GPD1L: variants seen among roughly 807,000 people sequenced by gnomAD.
GPD1L encodes glycerol-3-phosphate dehydrogenase 1 like.
A neutral mutation model predicts 32.9 loss-of-function variants in GPD1L; 17 were observed. The ratio of observed to expected loss-of-function variants is 0.52; its 90% CI spans 0.35 to 0.78. The LOEUF is 0.78. Among genes scored for constraint, GPD1L ranks in the 30% least tolerant of loss-of-function variants. The pLI is 0.01. For missense variants in GPD1L, 361 were observed against 447.8 expected (o/e 0.81, Z 1.75); for synonymous variants, 187 against 165.9 (o/e 1.13, Z -0.98).
At position 32,117,309 on chromosome 3, in the gene GPD1L, A is replaced by T. The variant is rs149829634; in HGVS notation, c.47+10551A>T. Among the ~76,000 whole-genome samples, 866 of 152,334 alleles carry T rather than the reference A, an allele frequency of 5.7e-3. 9 individuals carry two copies. Among genetic ancestry groups the T allele is most frequent in the African/African-American group, 0.02 (826 of 41,568 alleles). On this transcript the variant is annotated intron_variant, in intron 1 of 7. Coordinates refer to ENST00000282541, the MANE Select transcript of GPD1L (RefSeq NM_015141.4). ...GGTGGAAGCCAGAACAATACATGAG[A>T]AATAATTTAGTCATGATTTCTTATT...
At chr3:32,141,306 A>C (rs935348221) in intron 4 of GPD1L, among the ~76,000 whole-genome samples, 4 of 152,170 alleles carry the variant, frequency 2.6e-5, no homozygotes, top group African/African-American at 9.6e-5. Flanking sequence ...TTATGGAGGT[A>C]TTTTACATGA....
chr3:32,145,380 A>T (rs1700804940), intron 4 of GPD1L, among the ~76,000 whole-genome samples: 1 of 152,096 alleles, frequency 6.6e-6, no homozygotes, highest in South Asian at 2.1e-4. Flanking sequence ...TTTAAAAGGT[A>T]CCTTTGAGAA....
chr3:32,164,935 G>A (rs1163559520), intron 7 of GPD1L, among the ~76,000 whole-genome samples: 1 of 152,164 alleles, frequency 6.6e-6, no homozygotes, highest in Non-Finnish European at 1.5e-5. Context: ...GGCCGGCGCG[G>A]TGGCTCACGC....
In GPD1L at chr3:32,146,752, G is replaced by T; in HGVS notation, c.618+18G>T. 7.1e-7 allele frequency: 1 copy of T among 1,416,952 alleles called. No homozygotes were observed. The allele number at this position is 1,416,952 out of a possible 1,614,324, so 87.8% of individuals were successfully genotyped here. On this transcript the variant is annotated intron_variant, in intron 5 of 7. Coordinates refer to ENST00000282541, the MANE Select transcript of GPD1L (RefSeq NM_015141.4). ...CGCTTAAGGTAAAGTCAGCCTCAGG[G>T]GAGGAGTTCATCAAGCAAGGCAAAT...
chr3:32,144,823 A>G (rs1348559407), intron 4 of GPD1L, among the ~76,000 whole-genome samples: 1 of 73,572 alleles, frequency 1.4e-5, no homozygotes, highest in African/African-American at 5.8e-5. Context: ...GTAGCTGGGA[A>G]CACACACACA....
rs545049039 is a variant in GPD1L at position 32,151,619 on chromosome 3, A to G, written c.618+4885A>G. On this transcript the variant is annotated intron_variant, in intron 5 of 7. Coordinates refer to ENST00000282541, the MANE Select transcript of GPD1L (RefSeq NM_015141.4). ...CTCAGCCTTCTGAGTAACTGGGACT[A>G]TAGGTGCTTGCCACCATGCCTGCTA... is the stretch of plus-strand genomic sequence containing the variant. Among the ~76,000 whole-genome samples the G allele has an allele frequency of 2.0e-5, 3 of 152,278 alleles. No individual in the cohort carries two copies. In the East Asian group the frequency reaches 5.8e-4, roughly 29 times the overall value.
chr3:32,116,456 C>T (rs539022115), intron 1 of GPD1L, among the ~76,000 whole-genome samples: 124 of 152,112 alleles, frequency 8.2e-4, no homozygotes, highest in Non-Finnish European at 1.6e-3. Flanking sequence ...CAACCAGGAC[C>T]AGCAATGATG....
chr3:32,145,528 T>C (rs993715388), intron 4 of GPD1L, among the ~76,000 whole-genome samples: 3 of 152,144 alleles, frequency 2.0e-5, no homozygotes, highest in African/African-American at 7.2e-5. Flanking sequence ...CCTCAGTTTG[T>C]TCACCAGCAA....
At position 32,136,231 on chromosome 3, in the gene GPD1L, C is replaced by T. The variant is rs149996799; in HGVS notation, c.226-2356C>T. The stretch of plus-strand genomic sequence containing the variant: ...TAGGTTCTCCCCTCACATTTGTAAA[C>T]ATGGTTGCAGTAGTTCCAGACTTCA... On this transcript the variant is annotated intron_variant, in intron 2 of 7. Transcript: ENST00000282541. Among the ~76,000 whole-genome samples the T allele has an allele frequency of 7.3e-3, 1,106 of 152,310 alleles. 7 individuals are homozygous for T. The highest frequency in any genetic ancestry group is 0.01 in the Non-Finnish European group (689 of 68,022).
chr3:32,148,890 G>T (rs540027842), intron 5 of GPD1L, among the ~76,000 whole-genome samples: 3 of 152,320 alleles, frequency 2.0e-5, no homozygotes, highest in South Asian at 4.1e-4. Context: ...CAACAGAAAG[G>T]TGTAAAGAAG....
chr3:32,125,857 T>C (rs1700499222), intron 1 of GPD1L, among the ~76,000 whole-genome samples: 1 of 152,166 alleles, frequency 6.6e-6, no homozygotes, highest in Non-Finnish European at 1.5e-5. Flanking sequence ...ATGACTGAAA[T>C]TATTGATGAA....
Position 32,168,067 on chromosome 3 carries a change from C to T in GPD1L, c.*2157C>T, listed in dbSNP as rs886058338. The T allele has an allele frequency of 3.9e-5, 6 of 152,086 alleles. No individual in the cohort carries two copies. The highest frequency in any genetic ancestry group is 8.8e-5 in the Non-Finnish European group (6 of 68,028). 9.4% of individuals were successfully genotyped at this position (152,086 alleles called of 1,614,324 possible). A position where few individuals can be genotyped will look rare whatever the true frequency, so the allele number is the denominator to read the frequency against. ...AGGAGTTGGAACTTTGCGTGTTTTG[C>T]GTATTTTCATCTGCATTCAGCTTCT... On this transcript the variant is annotated 3_prime_UTR_variant, in exon 8 of 8. Coordinates refer to ENST00000282541, the MANE Select transcript of GPD1L (RefSeq NM_015141.4).
intron 5 of GPD1L, chr3:32,151,280 T>C: frequency 1.7e-6 from 1 of 591,924 alleles, no homozygotes; most frequent in Non-Finnish European, 3.1e-6. Flanking sequence ...CTTAATATGC[T>C]CCATACACCC....
chr3:32,115,757 A>ATTTTTTTTT (rs1559568569), intron 1 of GPD1L, among the ~76,000 whole-genome samples: 1 of 75,854 alleles, frequency 1.3e-5, no homozygotes, highest in Non-Finnish European at 3.4e-5. Flanking sequence ...TGTACGTTGA[A>ATTTTTTTTT]CTTTTTTTTT....
intron 1 of GPD1L, among the ~76,000 whole-genome samples, chr3:32,114,301 A>G (rs1039579853): frequency 4.6e-5 from 7 of 152,230 alleles, no homozygotes; most frequent in Non-Finnish European, 8.8e-5. Context: ...GGGTTCTAAC[A>G]AGAGTAAGAG....
chr3:32,152,233 G>A (rs1344438591), intron 5 of GPD1L, among the ~76,000 whole-genome samples: 1 of 152,156 alleles, frequency 6.6e-6, no homozygotes, highest in Non-Finnish European at 1.5e-5. Flanking sequence ...AACTGTACTG[G>A]CTGAACAAGG....
rs182826539 is a variant in GPD1L at position 32,140,233 on chromosome 3, A to C, written c.372A>C (p.Ile124=). ...ACTTCTTGGCATCCTTGTAGGGCAT[A>C]GACGAGGGCCCCGAGGGGCTGAAGC... The part of the protein sequence containing the change: ...KALGITLIKG[I]DEGPEGLKLI... The change falls in exon 4 of 8, where the codon ATA becomes ATC. Residue 124 remains isoleucine, a synonymous_variant. Transcript: ENST00000282541. 12 of 1,613,992 alleles carry C rather than the reference A, an allele frequency of 7.4e-6. No homozygotes were observed. In the Admixed American group the frequency reaches 8.3e-5, roughly 11 times the overall value.
At chr3:32,137,660 A>G (rs1162875997) in intron 2 of GPD1L, among the ~76,000 whole-genome samples, 1 of 152,204 alleles carries the variant, frequency 6.6e-6, no homozygotes, top group Non-Finnish European at 1.5e-5. Context: ...AACAGATACT[A>G]GGTGCAGCAA....
At position 32,159,480 on chromosome 3, in the gene GPD1L, AG is replaced by A. The variant is rs67330076; in HGVS notation, c.853-87del. 27,885 of 787,074 alleles carry A rather than the reference AG, an allele frequency of 0.035. 423 individuals are homozygous for A. The highest frequency in any genetic ancestry group is 0.13 in the African/African-American group (6,854 of 54,726). The allele number at this position is 787,074 out of a possible 1,614,324, so 48.8% of individuals were successfully genotyped here. The stretch of plus-strand genomic sequence containing the variant: ...ACCCATTCTCTAAAAAAAAAAAAAA[AG>A]AAAAAAAACACTTAAAAATTAAACA... On this transcript the variant is annotated intron_variant, in intron 6 of 7. Transcript: ENST00000282541.
Sources: allele counts gnomAD v4.1 joint callset (sites outside exome capture counted in the v4.1 genomes callset), GRCh38; gene constraint gnomAD v4.1.1; transcripts MANE v1.5; gene names NCBI Gene and HGNC (gene_info 2026-07-23, HGNC 2026-07-21).